The following NELL1 variants were observed in gnomAD, a reference collection of about 807,000 sequenced individuals.
The protein encoded by NELL1 is protein kinase C-binding protein NELL1.
NELL1 carries 76 observed loss-of-function variants against 107.4 expected under a neutral mutation model. The observed-to-expected ratio is 0.71, with a 90% CI of 0.59 to 0.86. The LOEUF (loss-of-function observed/expected upper bound fraction) is 0.86, where lower values mean the gene tolerates loss of function less well. Ranked by LOEUF, NELL1 falls within the 40% of genes least tolerant of loss-of-function variation. NELL1 has a pLI of 0.00. For missense variants in NELL1, 1,024 were observed against 1,005.5 expected, an observed-to-expected ratio of 1.02 and a Z score of -0.25; for synonymous variants, 353 against 341.2, an observed-to-expected ratio of 1.03 and a Z score of -0.38.
intron 14 of NELL1, among the ~76,000 whole-genome samples, chr11:21,250,457 A>T (rs1035402569): frequency 5.3e-5 from 8 of 152,142 alleles, no homozygotes; most frequent in Non-Finnish European, 1.0e-4. Flanking sequence ...TGGCTGTTGG[A>T]ATTGAAATAT....
intron 2 of NELL1, among the ~76,000 whole-genome samples, chr11:20,714,263 G>T (rs1855186010): frequency 7.3e-6 from 1 of 137,692 alleles, no homozygotes; most frequent in Non-Finnish European, 1.5e-5. Context: ...GAGTTCAGTG[G>T]TGCCTTCTCA....
intron 12 of NELL1, among the ~76,000 whole-genome samples, chr11:21,045,295 T>G (rs1853328972): frequency 1.3e-5 from 2 of 152,054 alleles, no homozygotes; most frequent in Non-Finnish European, 2.9e-5. Flanking sequence ...AAGGCGAGGG[T>G]GTGAATAAAG....
At chr11:20,670,118 A>T (rs12417408) in intron 1 of NELL1, among the ~76,000 whole-genome samples, 23,476 of 151,982 alleles carry the variant, frequency 0.15, 2,316 homozygotes, top group East Asian at 0.39. Flanking sequence ...GCGTGCCCCG[A>T]GTTCCCGAAC....
At chr11:21,017,533 G>A (rs1852596165) in intron 12 of NELL1, among the ~76,000 whole-genome samples, 1 of 151,992 alleles carries the variant, frequency 6.6e-6, no homozygotes, top group South Asian at 2.1e-4. Context: ...CATACCCTGA[G>A]TGGTGCAATG....
chr11:21,261,995 G>C (rs558644115), intron 14 of NELL1, among the ~76,000 whole-genome samples: 4 of 151,662 alleles, frequency 2.6e-5, no homozygotes, highest in African/African-American at 7.3e-5. Context: ...GGTTAGTATC[G>C]TTTATGTTAT....
At chr11:21,335,191 G>A (rs1850363028) in intron 14 of NELL1, among the ~76,000 whole-genome samples, 1 of 152,060 alleles carries the variant, frequency 6.6e-6, no homozygotes, top group South Asian at 2.1e-4. Context: ...ACTTAAAAGT[G>A]TTCTGAATTT....
intron 17 of NELL1, among the ~76,000 whole-genome samples, chr11:21,564,264 G>A (rs1856919949): frequency 6.6e-6 from 1 of 151,964 alleles, no homozygotes. Context: ...ACCTGAAAGA[G>A]GGATAGAGAA....
At chr11:20,838,254 G>A (rs921015517) in intron 3 of NELL1, among the ~76,000 whole-genome samples, 77 of 149,982 alleles carry the variant, frequency 5.1e-4, no homozygotes, top group Admixed American at 1.4e-3. Flanking sequence ...CCTCAAAACC[G>A]TCAAGGTCAT....
chr11:20,720,527 T>C (rs1855356597), intron 2 of NELL1, among the ~76,000 whole-genome samples: 1 of 152,092 alleles, frequency 6.6e-6, no homozygotes, highest in South Asian at 2.1e-4. Context: ...TCTTATCTTG[T>C]ATTAGTTTGC....
rs926006168 is a variant in NELL1 at position 21,575,640 on chromosome 11, T to C, written c.*618T>C. 6.6e-6 allele frequency: 1 copy of C among 151,796 alleles called. No homozygotes were observed. Among genetic ancestry groups the C allele is most frequent in the African/African-American group, 2.4e-5 (1 of 41,382 alleles). The allele number at this position is 151,796 out of a possible 1,614,324, so 9.4% of individuals were successfully genotyped here. A position where few individuals can be genotyped will look rare whatever the true frequency, so the allele number is the denominator to read the frequency against. ...ACAAAGAGGGGAAGGGCCAAAAACA[T>C]AATCAAAGAATAATTTTAAAGAGAA... is the stretch of plus-strand genomic sequence containing the variant. On this transcript the variant is annotated 3_prime_UTR_variant, in exon 20 of 20. Transcript: ENST00000357134.
intron 14 of NELL1, among the ~76,000 whole-genome samples, chr11:21,319,842 A>G (rs1590833480): frequency 6.6e-6 from 1 of 151,958 alleles, no homozygotes; most frequent in Non-Finnish European, 1.5e-5. Flanking sequence ...TCAGCTCATC[A>G]AAGCACTGAT....
intron 15 of NELL1, among the ~76,000 whole-genome samples, chr11:21,431,841 A>G (rs1852974366): frequency 6.6e-6 from 1 of 152,076 alleles, no homozygotes; most frequent in South Asian, 2.1e-4. Context: ...CTGTTTCTCA[A>G]CAGGAGTAAA....
chr11:21,560,876 T>G (rs1004721567), intron 17 of NELL1, among the ~76,000 whole-genome samples: 1 of 139,468 alleles, frequency 7.2e-6, no homozygotes, highest in Non-Finnish European at 1.6e-5. Context: ...AATGATAGTA[T>G]GAGGCCTCTT....
At chr11:21,464,114 T>C (rs1853966925) in intron 15 of NELL1, among the ~76,000 whole-genome samples, 1 of 152,040 alleles carries the variant, frequency 6.6e-6, no homozygotes, top group Non-Finnish European at 1.5e-5. Flanking sequence ...TGTGTGGCCT[T>C]TATGACCTAG....
intron 3 of NELL1, among the ~76,000 whole-genome samples, chr11:20,813,006 C>CAAAAAAAAAAAAAAAA (rs869187456): frequency 6.5e-5 from 4 of 61,238 alleles, no homozygotes; most frequent in Admixed American, 2.8e-4. Context: ...GACTCCGTCT[C>CAAAAAAAAAAAAAAAA]AAAAAAAAAA....
chr11:21,137,615 T>A (rs1855772354), intron 13 of NELL1, among the ~76,000 whole-genome samples: 1 of 152,188 alleles, frequency 6.6e-6, no homozygotes. Flanking sequence ...CAAGGTCAAG[T>A]GAAAGATATT....
At chr11:20,845,689 A>G (rs548405418) in intron 3 of NELL1, among the ~76,000 whole-genome samples, 1 of 152,318 alleles carries the variant, frequency 6.6e-6, no homozygotes, top group East Asian at 1.9e-4. Context: ...GATGATGTCT[A>G]TGAAAGCACT....
chr11:20,873,352 A>G (rs1849240616), intron 4 of NELL1, among the ~76,000 whole-genome samples: 3 of 152,212 alleles, frequency 2.0e-5, no homozygotes, highest in Non-Finnish European at 4.4e-5. Context: ...TGAAGCTAAC[A>G]CTAGATACTA....
At chr11:20,827,073 G>A (rs1177135793) in intron 3 of NELL1, among the ~76,000 whole-genome samples, 2 of 151,198 alleles carry the variant, frequency 1.3e-5, no homozygotes, top group African/African-American at 2.4e-5. Flanking sequence ...TTTTGCAATA[G>A]GAGTGCGGAA....
Sources: gnomAD v4.1 joint callset for allele counts (sites outside exome capture counted in the v4.1 genomes callset) on GRCh38, gnomAD v4.1.1 for gene constraint, MANE v1.5 for transcripts, NCBI Gene and HGNC (gene_info 2026-07-23, HGNC 2026-07-21) for gene names.